The following STAG1 variants were observed in gnomAD, a reference collection of about 807,000 sequenced individuals.
STAG1 encodes the protein cohesin subunit SA-1.
In STAG1, 26 loss-of-function variants were observed where a neutral mutation model predicts 170.9. That is an observed-to-expected ratio of 0.15 (90% CI 0.11 to 0.21). The LOEUF (loss-of-function observed/expected upper bound fraction) is 0.21. Ranked by LOEUF, STAG1 falls within the 10% of genes least tolerant of loss-of-function variation. The pLI, the probability that STAG1 is intolerant of heterozygous loss-of-function variation, is 1.00. For missense variants in STAG1, 964 were observed against 1,509.5 expected (o/e 0.64, Z 5.99); for synonymous variants, 514 against 497.7 (o/e 1.03, Z -0.44).
chr3:136,586,069 G>C (rs1227578315), intron 4 of STAG1, among the ~76,000 whole-genome samples: 1 of 152,132 alleles, frequency 6.6e-6, no homozygotes, highest in East Asian at 1.9e-4. Context: ...TTGGCTAGAA[G>C]CATTAAAGTA....
In STAG1 at chr3:136,695,436, C is replaced by CA. The variant is rs757572153; in HGVS notation, c.-84+56758dup. On this transcript the variant is annotated intron_variant, in intron 1 of 33. Transcript: ENST00000383202. ...TGGGCAACAGAGTGAGACTCTGTCTCAAAAAAAAAAAAAAGAGAGAGACAG... is the reference window on the plus strand; with the variant it reads ...TGGGCAACAGAGTGAGACTCTGTCTCAAAAAAAAAAAAAAAGAGAGAGACAG... Among the ~76,000 whole-genome samples, 453 of 114,332 alleles carry CA rather than the reference C, an allele frequency of 4.0e-3. 1 individual carries two copies. The highest frequency in any genetic ancestry group is 8.1e-3 in the South Asian group (30 of 3,724). The allele number at this position is 114,332 out of a possible 152,430, so 75.0% of individuals were successfully genotyped here.
chr3:136,705,577 T>A (rs1169159754), intron 1 of STAG1, among the ~76,000 whole-genome samples: 1 of 151,988 alleles, frequency 6.6e-6, no homozygotes, highest in Non-Finnish European at 1.5e-5. Context: ...TGGGGGTGGG[T>A]CTTTCCCATG....
At chr3:136,629,732 G>A (rs751665790) in intron 2 of STAG1, among the ~76,000 whole-genome samples, 2 of 152,124 alleles carry the variant, frequency 1.3e-5, no homozygotes, top group Non-Finnish European at 2.9e-5. Context: ...TAAATGAACT[G>A]AGTAGTAATA....
chr3:136,425,518 T>C (rs942911640), intron 16 of STAG1, among the ~76,000 whole-genome samples: 5 of 152,112 alleles, frequency 3.3e-5, no homozygotes, highest in African/African-American at 1.2e-4. Context: ...AAGATTTCTC[T>C]GACTATATCT....
chr3:136,643,774 G>A (rs141738963), intron 1 of STAG1, among the ~76,000 whole-genome samples: 1 of 152,254 alleles, frequency 6.6e-6, no homozygotes, highest in East Asian at 1.9e-4. Context: ...CTCCCAAAGT[G>A]CTGGGATTAT....
intron 7 of STAG1, among the ~76,000 whole-genome samples, chr3:136,512,946 G>A (rs974137917): frequency 1.3e-5 from 2 of 152,256 alleles, no homozygotes; most frequent in South Asian, 4.1e-4. Flanking sequence ...TTAAAAAGCA[G>A]AGAATAAGAA....
intron 4 of STAG1, among the ~76,000 whole-genome samples, chr3:136,577,024 G>A (rs916880261): frequency 1.3e-5 from 2 of 152,168 alleles, no homozygotes; most frequent in Non-Finnish European, 2.9e-5. Context: ...TAGTAACTTG[G>A]GAAAATTAAT....
chr3:136,407,762 T>C (rs918239208), intron 21 of STAG1, among the ~76,000 whole-genome samples: 1 of 152,010 alleles, frequency 6.6e-6, no homozygotes, highest in Admixed American at 6.6e-5. Context: ...GTGACTGGAC[T>C]GTATTTTAAT....
At chr3:136,493,556 G>A (rs2090159925) in intron 9 of STAG1, among the ~76,000 whole-genome samples, 1 of 151,456 alleles carries the variant, frequency 6.6e-6, no homozygotes, top group African/African-American at 2.4e-5. Flanking sequence ...TCAGGGGGCT[G>A]AGGCGGGAGT....
chr3:136,750,192 T>G (rs1391454288), intron 1 of STAG1, among the ~76,000 whole-genome samples: 1 of 151,142 alleles, frequency 6.6e-6, no homozygotes, highest in Non-Finnish European at 1.5e-5. Flanking sequence ...TTTATTTTAT[T>G]TTTTTAAAGA....
At chr3:136,341,398 C>T (rs759660885) in intron 31 of STAG1, 43 bp downstream of exon 31, 2 of 1,278,322 alleles carry the variant, frequency 1.6e-6, no homozygotes, top group South Asian at 1.2e-5. Context: ...TGATGGGCAT[C>T]ACATAGTTGT....
chr3:136,521,546 A>T (rs1934670760), intron 6 of STAG1, 129 bp from the exon 7 acceptor site: 1 of 668,412 alleles, frequency 1.5e-6, no homozygotes, highest in Non-Finnish European at 2.5e-6. Flanking sequence ...GGTGACTTTC[A>T]TAGCACATTT....
rs530251950 is a variant in STAG1 at position 136,477,503 on chromosome 3, T to C, written c.903-91A>G. ...TTCCATAAGCAATAAATATTTCTAA[T>C]GCTGTTTGTATATATTTGCATTCTG... On this transcript the variant is annotated intron_variant, in intron 9 of 33. Coordinates refer to ENST00000383202, the MANE Select transcript of STAG1 (RefSeq NM_005862.3). 5.7e-6 allele frequency: 7 copies of C among 1,229,216 alleles called. No individual in the cohort carries two copies. In the African/African-American group the frequency reaches 6.1e-5, roughly 11 times the overall value. 76.1% of individuals were successfully genotyped at this position (1,229,216 alleles called of 1,614,324 possible). A position where few individuals can be genotyped will look rare whatever the true frequency, so the allele number is the denominator to read the frequency against.
At chr3:136,585,461 T>A (rs113045791) in intron 4 of STAG1, among the ~76,000 whole-genome samples, 177 of 151,318 alleles carry the variant, frequency 1.2e-3, no homozygotes, top group African/African-American at 2.5e-3. Flanking sequence ...AAACAAAACA[T>A]CACAAAAATT....
At chr3:136,486,876 C>A (rs1048199664) in intron 9 of STAG1, among the ~76,000 whole-genome samples, 1 of 151,918 alleles carries the variant, frequency 6.6e-6, no homozygotes, top group Non-Finnish European at 1.5e-5. Context: ...ATTTTTTACA[C>A]CCATATCTAC....
chr3:136,711,956 G>T (rs549166699), intron 1 of STAG1, among the ~76,000 whole-genome samples: 1 of 152,026 alleles, frequency 6.6e-6, no homozygotes, highest in Non-Finnish European at 1.5e-5. Context: ...TTTTAAAACA[G>T]AACACAAAAA....
Position 136,336,772 on chromosome 3 carries a change from C to CATCA in STAG1, c.*1478_*1481dup, listed in dbSNP as rs1267760978. 4.6e-5 allele frequency: 7 copies of CATCA among 152,288 alleles called. No homozygotes were observed. The highest frequency in any genetic ancestry group is 2.1e-4 in the South Asian group (1 of 4,826). The allele number at this position is 152,288 out of a possible 1,614,324, so 9.4% of individuals were successfully genotyped here. On this transcript the variant is annotated 3_prime_UTR_variant, in exon 34 of 34. Transcript: ENST00000383202. ...TACTAAAAGGATGAATAAAATCATC[C>CATCA]ATCATCATCTTGCTTTCCCGCACAA...
At chr3:136,551,210 A>AGAGAGT (rs1559874280) in intron 5 of STAG1, among the ~76,000 whole-genome samples, 2 of 24,134 alleles carry the variant, frequency 8.3e-5, no homozygotes, top group Admixed American at 6.1e-4. Context: ...AGAGAGAGTG[A>AGAGAGT]GAGAGAGAGA....
chr3:136,470,338 C>A (rs1347052712), intron 12 of STAG1, among the ~76,000 whole-genome samples: 2 of 152,206 alleles, frequency 1.3e-5, no homozygotes, highest in Admixed American at 6.5e-5. Flanking sequence ...TATGAACAGA[C>A]ACTTCTGAAA....
Sources: gnomAD v4.1 joint callset for allele counts (sites outside exome capture counted in the v4.1 genomes callset) on GRCh38, gnomAD v4.1.1 for gene constraint, MANE v1.5 for transcripts, NCBI Gene and HGNC (gene_info 2026-07-23, HGNC 2026-07-21) for gene names.